Variants in GNL3L observed in about 807,000 individuals in gnomAD.
GNL3L encodes the protein guanine nucleotide-binding protein-like 3-like protein.
In GNL3L, 4 loss-of-function variants were observed where a neutral mutation model predicts 42.9. The ratio of observed to expected loss-of-function variants is 0.09; its 90% CI spans 0.05 to 0.21. GNL3L has a LOEUF of 0.21. Among genes scored for constraint, GNL3L ranks in the 10% least tolerant of loss-of-function variants. The pLI is 1.00. For missense variants in GNL3L, 412 were observed against 481.7 expected (o/e 0.86, Z 1.36); for synonymous variants, 159 against 176.3 (o/e 0.90, Z 0.78).
At chrX:54,545,845 CTTTA>C (rs1161713963) in intron 8 of GNL3L, among the ~76,000 whole-genome samples, 1 of 111,662 alleles carries the variant, frequency 9.0e-6, no homozygotes, top group Non-Finnish European at 1.9e-5. Flanking sequence ...TTCTTCCAGA[CTTTA>C]TTTATTTTAG....
Position 54,538,990 on chromosome X carries a change from TATC to T in GNL3L, c.20-49_20-47del, listed in dbSNP as rs778440242. The stretch of plus-strand genomic sequence containing the variant: ...TGGCCTTGATTCAGATGTCAACAAA[TATC>T]GTGTAGATGGATGACGGCTCTTTTC... On this transcript the variant is annotated intron_variant, in intron 2 of 15. Coordinates refer to ENST00000360845, the MANE Select transcript of GNL3L (RefSeq NM_001184819.2). 1.2e-5 allele frequency: 9 copies of T among 763,445 alleles called. No individual in the cohort carries two copies. In the South Asian group the frequency reaches 2.0e-4, roughly 17 times the overall value. 62.9% of individuals were successfully genotyped at this position (763,445 alleles called of 1,213,427 possible). A position where few individuals can be genotyped will look rare whatever the true frequency, so the allele number is the denominator to read the frequency against.
chrX:54,598,026 A>G (rs962386105), intron 16 of GNL3L, among the ~76,000 whole-genome samples: 15 of 110,760 alleles, frequency 1.4e-4, no homozygotes, highest in African/African-American at 4.6e-4. Context: ...TGCTTACCTG[A>G]TGTTTTGTTC....
rs1207052598 is a variant in GNL3L at position 54,607,069 on chromosome X, TTTC to T, written c.*46-13774_*46-13772del. Among the ~76,000 whole-genome samples, 125 of 60,920 alleles carry T rather than the reference TTTC, an allele frequency of 2.1e-3. 2 individuals carry two copies. Among genetic ancestry groups the T allele is most frequent in the African/African-American group, 5.7e-3 (57 of 9,962 alleles). The allele number at this position is 60,920 out of a possible 115,157, so 52.9% of individuals were successfully genotyped here. A position where few individuals can be genotyped will look rare whatever the true frequency, so the allele number is the denominator to read the frequency against. The stretch of plus-strand genomic sequence containing the variant: ...CTTTCTTTCTTTCTTTCTTTCTTTC[TTTC>T]TCTTTCTTTCTTCTTTCTTTCTTTC... On this transcript the variant is annotated intron_variant, in intron 16 of 16. Transcript: ENST00000674498.
chrX:54,547,000 CTT>C (rs748207972), intron 8 of GNL3L, among the ~76,000 whole-genome samples: 5 of 91,895 alleles, frequency 5.4e-5, no homozygotes, highest in Admixed American at 1.2e-4. Flanking sequence ...TTTTTTTTTT[CTT>C]TTTTTTTTTT....
At chrX:54,544,645 A>AT (rs984165811) in intron 8 of GNL3L, among the ~76,000 whole-genome samples, 2 of 106,903 alleles carry the variant, frequency 1.9e-5, no homozygotes, top group African/African-American at 6.8e-5. Flanking sequence ...AATTTTTGTA[A>AT]TTTTTTTATT....
chrX:54,594,058 G>A (rs746054736), intron 16 of GNL3L, among the ~76,000 whole-genome samples: 15 of 111,678 alleles, frequency 1.3e-4, no homozygotes, highest in African/African-American at 4.9e-4. Flanking sequence ...CATGTGTTGA[G>A]GAAAAGAATG....
the GNL3L span, among the ~76,000 whole-genome samples, chrX:54,633,032 GTTC>G: frequency 3.6e-5 from 4 of 111,061 alleles, no homozygotes; most frequent in South Asian, 3.8e-4. Flanking sequence ...GATTGTTATT[GTTC>G]TTCTTCTACT....
intron 16 of GNL3L, among the ~76,000 whole-genome samples, chrX:54,613,233 C>T (rs1038957533): frequency 9.9e-5 from 11 of 111,381 alleles, no homozygotes; most frequent in African/African-American, 2.3e-4. Context: ...CTGAGACTTT[C>T]GCAGAGCATT....
chrX:54,644,776 C>T, the GNL3L span, among the ~76,000 whole-genome samples: 1 of 111,515 alleles, frequency 9.0e-6, no homozygotes, highest in African/African-American at 3.3e-5. Flanking sequence ...TCTTAGCACA[C>T]ATTGTGAAAG....
downstream of GNL3L, among the ~76,000 whole-genome samples, chrX:54,571,072 G>A (rs1006482196): frequency 2.7e-5 from 3 of 110,780 alleles, no homozygotes; most frequent in East Asian, 2.8e-4. Context: ...TTTTTTTGCC[G>A]TCATCTTTGA....
intron 13 of GNL3L, 29 bp from the exon 14 acceptor site, chrX:54,554,536 C>T (rs1183116725): frequency 2.8e-5 from 34 of 1,198,157 alleles, no homozygotes; most frequent in Non-Finnish European, 3.6e-5. Flanking sequence ...GGAGCCAGGG[C>T]CCTGACAGTG....
At chrX:54,545,577 C>T (rs1924747409) in intron 8 of GNL3L, among the ~76,000 whole-genome samples, 1 of 111,384 alleles carries the variant, frequency 9.0e-6, no homozygotes, top group Admixed American at 9.6e-5. Context: ...CACAGTTCTT[C>T]CCAATTATAT....
At chrX:54,613,092 AATCCC>A (rs1449834015) in intron 16 of GNL3L, among the ~76,000 whole-genome samples, 1 of 111,572 alleles carries the variant, frequency 9.0e-6, no homozygotes, top group African/African-American at 3.3e-5. Flanking sequence ...TGTTTAACAT[AATCCC>A]AGACTCCTTG....
intron 15 of GNL3L, among the ~76,000 whole-genome samples, chrX:54,559,075 T>C (rs1165058168): frequency 1.8e-5 from 2 of 112,027 alleles, no homozygotes; most frequent in Non-Finnish European, 3.8e-5. Context: ...GCTCTCAAAC[T>C]TCAGCTCGCA....
At chrX:54,540,752 G>T (rs899300629) in intron 4 of GNL3L, among the ~76,000 whole-genome samples, 5 of 110,824 alleles carry the variant, frequency 4.5e-5, no homozygotes, top group Non-Finnish European at 9.4e-5. Flanking sequence ...CTACCTCCCG[G>T]GTTCAAGCGA....
At chrX:54,575,316 T>C (rs1925618091) in intron 16 of GNL3L, among the ~76,000 whole-genome samples, 1 of 112,910 alleles carries the variant, frequency 8.9e-6, no homozygotes, top group Non-Finnish European at 1.9e-5. Flanking sequence ...ATGGATTACA[T>C]AGAAGTATGT....
chrX:54,606,073 T>C (rs1285879746), intron 16 of GNL3L, among the ~76,000 whole-genome samples: 1 of 111,928 alleles, frequency 8.9e-6, no homozygotes, highest in Non-Finnish European at 1.9e-5. Flanking sequence ...TCAGGAGGGC[T>C]TCCATTTTGG....
downstream of GNL3L, among the ~76,000 whole-genome samples, chrX:54,569,879 C>T (rs1207941161): frequency 8.9e-6 from 1 of 112,056 alleles, no homozygotes; most frequent in Non-Finnish European, 1.9e-5. Context: ...GATCTTTCTG[C>T]TATTGACTTC....
chrX:54,625,187 C>G (rs1926343107), downstream of GNL3L, among the ~76,000 whole-genome samples: 1 of 110,867 alleles, frequency 9.0e-6, no homozygotes, highest in Admixed American at 9.6e-5. Context: ...CATTGAACAG[C>G]AGTGGTGAGA....
Sources: gnomAD v4.1 joint callset for allele counts (sites outside exome capture counted in the v4.1 genomes callset) on GRCh38, gnomAD v4.1.1 for gene constraint, MANE v1.5 for transcripts, NCBI Gene and HGNC (gene_info 2026-07-23, HGNC 2026-07-21) for gene names.